Variants in KDM3A observed in about 807,000 individuals in gnomAD.
The protein encoded by KDM3A is lysine demethylase 3A, also known as lysine-specific demethylase 3A.
KDM3A carries 60 observed loss-of-function variants against 158.0 expected under a neutral mutation model. The ratio of observed to expected loss-of-function variants is 0.38; its 90% CI spans 0.31 to 0.47. KDM3A has a LOEUF of 0.47. Ranked by LOEUF, KDM3A falls within the 20% of genes least tolerant of loss-of-function variation. The pLI is 0.99. For missense variants in KDM3A, 1,319 were observed against 1,574.3 expected (o/e 0.84, Z 2.74); for synonymous variants, 608 against 549.3 (o/e 1.11, Z -1.49).
intron 21 of KDM3A, 160 bp from the exon 22 acceptor site, chr2:86,489,158 C>T (rs1220156175): frequency 1.3e-6 from 1 of 748,934 alleles, no homozygotes; most frequent in African/African-American, 1.8e-5. Context: ...CTTGCTAGCA[C>T]ATCGATTGGT....
chr2:86,456,485 G>C lies in KDM3A; in HGVS notation c.600G>C (p.Leu200Phe), dbSNP rs371468714. 2 of 1,579,080 alleles carry C rather than the reference G, an allele frequency of 1.3e-6. No homozygotes were observed. Among genetic ancestry groups the C allele is most frequent in the Non-Finnish European group, 1.7e-6 (2 of 1,160,286 alleles). The change falls in exon 6 of 26, where the codon TTG becomes TTC. Residue 200 changes from leucine (L) to phenylalanine (F), a missense_variant. Leu to Phe is a conservative substitution (Grantham distance 22). Transcript: ENST00000312912. The part of the protein sequence containing the change: ...LVGSEVKIYS[L>F]DPSTQWFSAT... ...GTTCAGAAGTAAAAATTTATAGCTTGGACCCATCTACTCAGTGGTTTTCAG... is the reference window on the plus strand; with the variant it reads ...GTTCAGAAGTAAAAATTTATAGCTTCGACCCATCTACTCAGTGGTTTTCAG...
chr2:86,458,698 C>T (rs1672805743), intron 8 of KDM3A, among the ~76,000 whole-genome samples: 1 of 152,094 alleles, frequency 6.6e-6, no homozygotes, highest in African/African-American at 2.4e-5. Context: ...GAGGACGTGT[C>T]TTGTTTGGTG....
chr2:86,464,439 A>T (rs1376042871), intron 9 of KDM3A, among the ~76,000 whole-genome samples: 1 of 152,194 alleles, frequency 6.6e-6, no homozygotes, highest in Non-Finnish European at 1.5e-5. Context: ...CTGTCTTGAT[A>T]CAGTGTGAAG....
chr2:86,454,096 G>A (rs1672586568), intron 4 of KDM3A, among the ~76,000 whole-genome samples: 1 of 152,160 alleles, frequency 6.6e-6, no homozygotes, highest in African/African-American at 2.4e-5. Context: ...TGACGCCTTA[G>A]GCTATTCATT....
At position 86,470,323 on chromosome 2, in the gene KDM3A, C is replaced by G. The variant is rs780135085; in HGVS notation, c.1639C>G (p.Arg547Gly). 2 of 1,614,012 alleles carry G rather than the reference C, an allele frequency of 1.2e-6. No individual in the cohort carries two copies. Among genetic ancestry groups the G allele is most frequent in the Non-Finnish European group, 1.7e-6 (2 of 1,179,966 alleles). ...CATCGTGGCACAGTTGCCTAAATGC[C>G]GAGAGTGTCGCTTGGACAGTCTCCG... ...VNIVAQLPKC[R>G]ECRLDSLRKD... is the part of the protein sequence containing the mutation. The change falls in exon 11 of 26, where the codon CGA (arginine) becomes GGA (glycine). Residue 547 changes from arginine (R) to glycine (G), a missense_variant. Arg to Gly is a moderately radical substitution (Grantham distance 125). Coordinates refer to ENST00000312912, the MANE Select transcript of KDM3A (RefSeq NM_018433.6).
chr2:86,490,802 A>G lies in KDM3A; in HGVS notation c.3574-79A>G, dbSNP rs113318488. 96 of 1,082,266 alleles carry G rather than the reference A, an allele frequency of 8.9e-5. No homozygotes were observed. The Middle Eastern group carries it at 1.2e-3, about 14-fold the overall frequency. 67.0% of individuals were successfully genotyped at this position (1,082,266 alleles called of 1,614,324 possible). On this transcript the variant is annotated intron_variant, in intron 23 of 25. Transcript: ENST00000312912. The stretch of plus-strand genomic sequence containing the variant: ...GAAGGCCTGACATTTATGAACTGCC[A>G]ACACTGTTTAGAGGAAAAAAATGGC...
At chr2:86,490,005 G>A (rs548064262) in intron 23 of KDM3A, 6 of 178,800 alleles carry the variant, frequency 3.4e-5, no homozygotes, top group Admixed American at 1.1e-4. Context: ...CACTTCAGAC[G>A]TTCATGTATC....
At chr2:86,459,260 C>A (rs1672828609) in intron 8 of KDM3A, among the ~76,000 whole-genome samples, 2 of 152,100 alleles carry the variant, frequency 1.3e-5, no homozygotes, top group Non-Finnish European at 1.5e-5. Context: ...CAGGACTACA[C>A]AGAGGATGTC....
intron 2 of KDM3A, among the ~76,000 whole-genome samples, chr2:86,448,939 T>G (rs914540545): frequency 1.3e-5 from 2 of 152,210 alleles, no homozygotes; most frequent in Non-Finnish European, 2.9e-5. Flanking sequence ...CTGGAGTGTT[T>G]CAATGCTTTT....
chr2:86,455,026 T>G, intron 4 of KDM3A, 59 bp from the exon 5 acceptor site: 1 of 1,025,896 alleles, frequency 9.7e-7, no homozygotes, highest in Non-Finnish European at 1.4e-6. Context: ...CCACTGGAAT[T>G]TAAATAACTC....
intron 16 of KDM3A, among the ~76,000 whole-genome samples, chr2:86,481,076 C>A (rs1673901286): frequency 6.6e-6 from 1 of 151,982 alleles, no homozygotes; most frequent in Non-Finnish European, 1.5e-5. Context: ...GTCTGACATT[C>A]AAAAATGTAG....
intron 9 of KDM3A, among the ~76,000 whole-genome samples, chr2:86,464,510 T>C (rs1673055189): frequency 6.6e-6 from 1 of 152,084 alleles, no homozygotes; most frequent in South Asian, 2.1e-4. Context: ...AGGGAACAGA[T>C]TGGTTGTACA....
Position 86,474,700 on chromosome 2 carries a change from GTTGTGTGTGT to G in KDM3A, c.1725-75_1725-66del, listed in dbSNP as rs1327233392. Reference sequence around the variant, plus strand: ...AAAAGTAATTACAAGTTGTAAATAAGTTGTGTGTGTGTGTGTGTGTGTGTGTGTGTGTGTG... The same window carrying G: ...AAAAGTAATTACAAGTTGTAAATAAGGTGTGTGTGTGTGTGTGTGTGTGTG... On this transcript the variant is annotated intron_variant, in intron 11 of 25. Transcript: ENST00000312912. 4 of 430,576 alleles carry G rather than the reference GTTGTGTGTGT, an allele frequency of 9.3e-6. No individual in the cohort carries two copies. In the African/African-American group the frequency reaches 1.8e-4, roughly 19 times the overall value. The allele number at this position is 430,576 out of a possible 1,614,324, so 26.7% of individuals were successfully genotyped here. A position where few individuals can be genotyped will look rare whatever the true frequency, so the allele number is the denominator to read the frequency against.
Position 86,455,203 on chromosome 2 carries a change from AGTG to A in KDM3A, c.556+20_556+22del, listed in dbSNP as rs1672637114. On this transcript the variant is annotated intron_variant, in intron 5 of 25. Transcript: ENST00000312912. Reference sequence around the variant, plus strand: ...CTTTTAAAAGGTATATGCATTATCTAGTGGTGATAGTTCACGAGTTGACCAATG... The same window carrying A: ...CTTTTAAAAGGTATATGCATTATCTAGTGATAGTTCACGAGTTGACCAATG... 6.7e-6 allele frequency: 9 copies of A among 1,339,792 alleles called. No individual in the cohort carries two copies. In the East Asian group the frequency reaches 1.4e-4, roughly 21 times the overall value. The allele number at this position is 1,339,792 out of a possible 1,614,324, so 83.0% of individuals were successfully genotyped here. A position where few individuals can be genotyped will look rare whatever the true frequency, so the allele number is the denominator to read the frequency against.
upstream of KDM3A, among the ~76,000 whole-genome samples, chr2:86,440,402 C>T (rs1187478387): frequency 2.0e-5 from 3 of 152,192 alleles, no homozygotes; most frequent in African/African-American, 7.2e-5. Flanking sequence ...TCTTCAATTT[C>T]TTCATTCCAT....
In KDM3A at chr2:86,492,165, T is replaced by G; in HGVS notation, c.*46T>G. The G allele has an allele frequency of 5.8e-6, 8 of 1,390,310 alleles. No homozygotes were observed. Among genetic ancestry groups the G allele is most frequent in the Non-Finnish European group, 8.2e-6 (8 of 979,918 alleles). The allele number at this position is 1,390,310 out of a possible 1,614,324, so 86.1% of individuals were successfully genotyped here. On this transcript the variant is annotated 3_prime_UTR_variant, in exon 26 of 26. Transcript: ENST00000312912. ...GAATTACAGGCAGCTGTTCAAACTC[T>G]TCAGGCAGGATTCCTGTGGACTTTG...
chr2:86,450,083 G>C, intron 3 of KDM3A, 121 bp downstream of exon 3: 1 of 1,072,794 alleles, frequency 9.3e-7, no homozygotes, highest in Middle Eastern at 2.9e-4. Flanking sequence ...TCTCCTGCCA[G>C]CCCTTTTAAG....
chr2:86,451,968 A>G (rs1004099924), intron 4 of KDM3A, among the ~76,000 whole-genome samples: 5 of 152,174 alleles, frequency 3.3e-5, no homozygotes, highest in African/African-American at 4.8e-5. Flanking sequence ...TGTAGATTCT[A>G]TGTTTGTGAA....
chr2:86,486,374 G>A (rs1674181418), intron 21 of KDM3A, among the ~76,000 whole-genome samples: 1 of 152,138 alleles, frequency 6.6e-6, no homozygotes, highest in South Asian at 2.1e-4. Flanking sequence ...CAAGGAGGAT[G>A]CCTGGGATAA....
Sources: allele counts gnomAD v4.1 joint callset (sites outside exome capture counted in the v4.1 genomes callset), GRCh38; gene constraint gnomAD v4.1.1; transcripts MANE v1.5; gene names NCBI Gene and HGNC (gene_info 2026-07-23, HGNC 2026-07-21).